ROBO1: variants seen among roughly 807,000 people sequenced by gnomAD.
ROBO1 encodes the protein roundabout homolog 1.
In ROBO1, 149 loss-of-function variants were observed where a neutral mutation model predicts 195.9. The observed-to-expected ratio is 0.76, with a 90% CI of 0.67 to 0.87. ROBO1 has a LOEUF of 0.87. ROBO1 is among the 40% of genes least tolerant of loss of function. The pLI is 0.00. For missense variants in ROBO1, 1,933 were observed against 2,068.3 expected, an observed-to-expected ratio of 0.93 and a Z score of 1.27; for synonymous variants, 816 against 733.2, an observed-to-expected ratio of 1.11 and a Z score of -1.82.
chr3:79,273,320 T>C (rs1397539923), intron 2 of ROBO1, among the ~76,000 whole-genome samples: 1 of 152,014 alleles, frequency 6.6e-6, no homozygotes, highest in Non-Finnish European at 1.5e-5. Flanking sequence ...AGACATAATG[T>C]AATAAGATAT....
chr3:78,927,786 A>G (rs562565811), intron 4 of ROBO1, among the ~76,000 whole-genome samples: 2 of 152,328 alleles, frequency 1.3e-5, no homozygotes, highest in Non-Finnish European at 2.9e-5. Context: ...ATGTGGACTT[A>G]TGTATGAGAA....
At chr3:79,369,221 ACTGT>A (rs1231242909) in intron 2 of ROBO1, among the ~76,000 whole-genome samples, 5 of 152,210 alleles carry the variant, frequency 3.3e-5, no homozygotes, top group African/African-American at 4.8e-5. Flanking sequence ...CCAGAGAGAT[ACTGT>A]CTTTTTCCTT....
chr3:79,579,779 G>T (rs1943601098), intron 2 of ROBO1, among the ~76,000 whole-genome samples: 1 of 151,990 alleles, frequency 6.6e-6, no homozygotes, highest in African/African-American at 2.4e-5. Context: ...AAAGAAAAAG[G>T]CAAGAAAAGA....
intron 2 of ROBO1, among the ~76,000 whole-genome samples, chr3:79,193,386 AAAT>A (rs1156457731): frequency 6.6e-6 from 1 of 151,618 alleles, no homozygotes; most frequent in Non-Finnish European, 1.5e-5. Context: ...TGACCTCATG[AAAT>A]AGTCATTATT....
chr3:79,286,199 T>A (rs1559791202), intron 2 of ROBO1, among the ~76,000 whole-genome samples: 1 of 152,196 alleles, frequency 6.6e-6, no homozygotes, highest in East Asian at 1.9e-4. Flanking sequence ...CTGAAAAATC[T>A]AACTGGCATT....
chr3:79,583,230 T>C (rs1175141108), intron 2 of ROBO1, among the ~76,000 whole-genome samples: 1 of 152,056 alleles, frequency 6.6e-6, no homozygotes. Flanking sequence ...AAGTTTATTA[T>C]GTAGTTATTA....
chr3:79,424,635 A>G (rs1400570000), intron 2 of ROBO1, among the ~76,000 whole-genome samples: 1 of 152,068 alleles, frequency 6.6e-6, no homozygotes, highest in African/African-American at 2.4e-5. Flanking sequence ...TTACTTTTTC[A>G]TGAAGATGGA....
At chr3:78,609,234 G>A (rs1214089390) in intron 28 of ROBO1, among the ~76,000 whole-genome samples, 1 of 152,114 alleles carries the variant, frequency 6.6e-6, no homozygotes, top group Non-Finnish European at 1.5e-5. Context: ...TTCAGTAGGA[G>A]TTTAAACTTG....
At chr3:79,321,389 A>G (rs1193279574) in intron 2 of ROBO1, among the ~76,000 whole-genome samples, 5 of 152,194 alleles carry the variant, frequency 3.3e-5, no homozygotes, top group Non-Finnish European at 5.9e-5. Context: ...AGTATTTTAT[A>G]CATGCTATCT....
At chr3:78,647,398 G>A (rs1706369263) in intron 20 of ROBO1, among the ~76,000 whole-genome samples, 1 of 151,972 alleles carries the variant, frequency 6.6e-6, no homozygotes, top group Admixed American at 6.6e-5. Context: ...TGCAAACAAG[G>A]CCAAGATCCA....
At chr3:79,612,363 C>T (rs2107927067) in intron 1 of ROBO1, among the ~76,000 whole-genome samples, 2 of 147,026 alleles carry the variant, frequency 1.4e-5, no homozygotes, top group Admixed American at 1.4e-4. Context: ...ATGAACTCAT[C>T]ATTTTTTATG....
intron 2 of ROBO1, among the ~76,000 whole-genome samples, chr3:79,346,942 A>G (rs1198013104): frequency 3.3e-5 from 5 of 152,038 alleles, no homozygotes; most frequent in African/African-American, 1.2e-4. Context: ...AACTATGACA[A>G]TTTAAATTGT....
chr3:79,294,057 C>CAAAA (rs71631641), intron 2 of ROBO1, among the ~76,000 whole-genome samples: 22 of 29,006 alleles, frequency 7.6e-4, no homozygotes, highest in African/African-American at 1.3e-3. Flanking sequence ...GACTCCATCT[C>CAAAA]AAAAAAAAAA....
intron 3 of ROBO1, among the ~76,000 whole-genome samples, chr3:79,069,600 C>T (rs1200894261): frequency 6.6e-6 from 1 of 151,922 alleles, no homozygotes; most frequent in Admixed American, 6.6e-5. Flanking sequence ...ACGCCTACCA[C>T]TTAAATTTCA....
At chr3:79,383,357 G>T (rs185509225) in intron 2 of ROBO1, among the ~76,000 whole-genome samples, 4 of 151,860 alleles carry the variant, frequency 2.6e-5, no homozygotes, top group Non-Finnish European at 5.9e-5. Flanking sequence ...AAAAATTTCC[G>T]TAAGATTTAC....
intron 2 of ROBO1, among the ~76,000 whole-genome samples, chr3:79,230,243 ACT>A (rs2082295837): frequency 6.6e-6 from 1 of 152,054 alleles, no homozygotes; most frequent in African/African-American, 2.4e-5. Context: ...AGGATTGCAG[ACT>A]CTCTTTCTTT....
At chr3:78,985,469 C>T (rs2077085877) in intron 3 of ROBO1, among the ~76,000 whole-genome samples, 1 of 152,026 alleles carries the variant, frequency 6.6e-6, no homozygotes, top group African/African-American at 2.4e-5. Context: ...AAAAGTTATA[C>T]CAGGATTTTA....
intron 2 of ROBO1, among the ~76,000 whole-genome samples, chr3:79,320,906 C>A (rs962223089): frequency 1.3e-5 from 2 of 151,966 alleles, no homozygotes; most frequent in African/African-American, 4.8e-5. Flanking sequence ...ACATTTGTCA[C>A]CTCATATATA....
At chr3:79,429,799 C>A (rs1267243654) in intron 2 of ROBO1, among the ~76,000 whole-genome samples, 1 of 152,022 alleles carries the variant, frequency 6.6e-6, no homozygotes, top group Non-Finnish European at 1.5e-5. Context: ...GTTTCTTTAC[C>A]TTTTTATTTG....
Sources: allele counts gnomAD v4.1 joint callset (sites outside exome capture counted in the v4.1 genomes callset), GRCh38; gene constraint gnomAD v4.1.1; transcripts MANE v1.5; gene names NCBI Gene and HGNC (gene_info 2026-07-23, HGNC 2026-07-21).